The following RGS21 variants were observed in gnomAD, a reference collection of about 807,000 sequenced individuals.
RGS21 encodes regulator of G-protein signalling 21.
In RGS21, 19 loss-of-function variants were observed where a neutral mutation model predicts 18.7. That is an observed-to-expected ratio of 1.01 (90% CI 0.71 to 1.49). The LOEUF (loss-of-function observed/expected upper bound fraction) is 1.49, where lower values mean the gene tolerates loss of function less well. RGS21 is among the 40% of genes most tolerant of loss of function. The pLI is 0.00. For missense variants in RGS21, 194 were observed against 176.8 expected (o/e 1.10, Z -0.55); for synonymous variants, 56 against 57.8 (o/e 0.97, Z 0.14).
At chr1:192,360,676 C>T (rs984303479) in intron 4 of RGS21, among the ~76,000 whole-genome samples, 1 of 151,990 alleles carries the variant, frequency 6.6e-6, no homozygotes, top group African/African-American at 2.4e-5. Flanking sequence ...GTAAAGAAGT[C>T]CTTAACAAGA....
At chr1:192,358,872 A>G (rs1659145240) in intron 4 of RGS21, among the ~76,000 whole-genome samples, 1 of 152,144 alleles carries the variant, frequency 6.6e-6, no homozygotes, top group Non-Finnish European at 1.5e-5. Context: ...GTTAACAAAA[A>G]TCACATGCAT....
intron 4 of RGS21, among the ~76,000 whole-genome samples, chr1:192,355,289 C>A (rs1288806998): frequency 6.6e-6 from 1 of 151,650 alleles, no homozygotes; most frequent in East Asian, 1.9e-4. Context: ...TCATGCAGAA[C>A]GGTTTTTAAG....
chr1:192,353,940 C>T (rs7512102), intron 4 of RGS21, among the ~76,000 whole-genome samples: 48,228 of 150,832 alleles, frequency 0.32, 9,025 homozygotes, highest in African/African-American at 0.52. Flanking sequence ...ACTGAAAATA[C>T]GCAAGTATAA....
chr1:192,338,214 T>G (rs1385899442), intron 1 of RGS21, among the ~76,000 whole-genome samples: 7 of 152,152 alleles, frequency 4.6e-5, no homozygotes, highest in African/African-American at 7.2e-5. Context: ...AAATAATTGA[T>G]GAACCATACA....
In RGS21 at chr1:192,329,301, C is replaced by T. The variant is rs564238280; in HGVS notation, c.-61+12196C>T. Among the ~76,000 whole-genome samples the T allele has an allele frequency of 3.3e-5, 5 of 152,132 alleles. No individual in the cohort carries two copies. The South Asian group carries it at 1.0e-3, about 32-fold the overall frequency. ...ATTCATTTTTTCCTTGGATATATGT[C>T]AGCTTCATTATGAGCAGAGGTATAC... is the stretch of plus-strand genomic sequence containing the variant. On this transcript the variant is annotated intron_variant, in intron 1 of 4. Transcript: ENST00000417209.
chr1:192,351,858 G>A (rs1659047080), intron 3 of RGS21, among the ~76,000 whole-genome samples, 189 bp from the exon 4 acceptor site: 1 of 148,820 alleles, frequency 6.7e-6, no homozygotes, highest in South Asian at 2.1e-4. Context: ...CTCTATATAT[G>A]TTAACAATTA....
rs1203591867 is a variant in RGS21 at position 192,343,019 on chromosome 1, C to T, written c.-18C>T. ...AAGAGAAACTCGGCATCATCTGTGA[C>T]AGACAGTGGAACGAAAAATGCCAGT... On this transcript the variant is annotated 5_prime_UTR_variant, in exon 2 of 5. Transcript: ENST00000417209. 1 of 1,612,220 alleles carries T rather than the reference C, an allele frequency of 6.2e-7. No individual in the cohort carries two copies. The highest frequency in any genetic ancestry group is 1.3e-5 in the African/African-American group (1 of 74,860).
At chr1:192,322,054 C>A (rs896469747) in intron 1 of RGS21, among the ~76,000 whole-genome samples, 1 of 152,090 alleles carries the variant, frequency 6.6e-6, no homozygotes, top group African/African-American at 2.4e-5. Flanking sequence ...ACAAGTGGAA[C>A]GGCTAATCTA....
intron 1 of RGS21, among the ~76,000 whole-genome samples, chr1:192,321,124 T>C (rs1344788541): frequency 6.6e-6 from 1 of 151,986 alleles, no homozygotes; most frequent in African/African-American, 2.4e-5. Context: ...AAAATATGTA[T>C]ATTAAAAGCT....
chr1:192,356,105 AAAG>A (rs1344832000), intron 4 of RGS21, among the ~76,000 whole-genome samples: 1 of 151,852 alleles, frequency 6.6e-6, no homozygotes, highest in African/African-American at 2.4e-5. Context: ...CTCATAAAAC[AAAG>A]AAGAAATTAT....
chr1:192,335,904 C>T lies in RGS21; in HGVS notation c.-60-7073C>T, dbSNP rs139947598. Among the ~76,000 whole-genome samples the T allele has an allele frequency of 1.7e-3, 253 of 152,198 alleles. 1 individual carries two copies. Among genetic ancestry groups the T allele is most frequent in the African/African-American group, 5.5e-3 (227 of 41,534 alleles). ...CACAAACACCTGTGTTTTAGAAAAA[C>T]AGTTTATATACTACCAGGCTAGCAT... On this transcript the variant is annotated intron_variant, in intron 1 of 4. Transcript: ENST00000417209.
intron 1 of RGS21, among the ~76,000 whole-genome samples, chr1:192,334,546 T>C (rs1571452760): frequency 6.6e-6 from 1 of 152,042 alleles, no homozygotes; most frequent in African/African-American, 2.4e-5. Flanking sequence ...GCTTAAAAAC[T>C]TGATAAAATA....
intron 1 of RGS21, among the ~76,000 whole-genome samples, chr1:192,320,236 A>T (rs1250742356): frequency 6.6e-6 from 1 of 152,074 alleles, no homozygotes; most frequent in Non-Finnish European, 1.5e-5. Context: ...CCCCCATGAC[A>T]TAAGTTCAAC....
intron 1 of RGS21, among the ~76,000 whole-genome samples, chr1:192,330,158 A>G (rs1658624414): frequency 6.6e-6 from 1 of 152,198 alleles, no homozygotes; most frequent in African/African-American, 2.4e-5. Flanking sequence ...ATATGGTCAC[A>G]CACTAGAAGT....
chr1:192,335,702 A>T (rs1658757303), intron 1 of RGS21, among the ~76,000 whole-genome samples: 1 of 152,218 alleles, frequency 6.6e-6, no homozygotes, highest in Non-Finnish European at 1.5e-5. Context: ...TCTTTGGAGA[A>T]CACCAAAGGC....
intron 1 of RGS21, among the ~76,000 whole-genome samples, chr1:192,325,337 G>T (rs140690500): frequency 6.6e-6 from 1 of 152,116 alleles, no homozygotes; most frequent in Non-Finnish European, 1.5e-5. Context: ...GTTTTCTATG[G>T]TATATATGTA....
rs539793698 is a variant in RGS21, at chr1:192,337,590, A to C, written c.-60-5387A>C. ...TTAGCTCAGGAGAATAGTTTAACGG[A>C]TGCTGTGTATACACGATGGCAACAC... On this transcript the variant is annotated intron_variant, in intron 1 of 4. Transcript: ENST00000417209. 2.6e-5 allele frequency among the ~76,000 whole-genome samples: 4 copies of C among 152,232 alleles called. No homozygotes were observed. In the South Asian group the frequency reaches 8.3e-4, roughly 32 times the overall value.
chr1:192,359,322 G>T (rs868640427), intron 4 of RGS21, among the ~76,000 whole-genome samples: 1 of 152,002 alleles, frequency 6.6e-6, no homozygotes, highest in South Asian at 2.1e-4. Flanking sequence ...GCAGTTCATA[G>T]TTGGAGATGC....
chr1:192,363,461 G>A (rs1011853116), intron 4 of RGS21, among the ~76,000 whole-genome samples: 3 of 152,004 alleles, frequency 2.0e-5, no homozygotes, highest in African/African-American at 7.2e-5. Flanking sequence ...GAAGAAACAG[G>A]CTGCATATAT....
Sources: allele counts gnomAD v4.1 joint callset (sites outside exome capture counted in the v4.1 genomes callset), GRCh38; gene constraint gnomAD v4.1.1; transcripts MANE v1.5; gene names NCBI Gene and HGNC (gene_info 2026-07-23, HGNC 2026-07-21).